ARHGAP6: variants seen among roughly 807,000 people sequenced by gnomAD.
The protein encoded by ARHGAP6 is rho GTPase-activating protein 6.
ARHGAP6 carries 16 observed loss-of-function variants against 55.7 expected under a neutral mutation model. The ratio of observed to expected loss-of-function variants is 0.29; its 90% CI spans 0.19 to 0.44. The LOEUF (loss-of-function observed/expected upper bound fraction) is 0.44. Ranked by LOEUF, ARHGAP6 falls within the 20% of genes least tolerant of loss-of-function variation. The probability of loss-of-function intolerance (pLI) is 1.00; values close to 1 mark genes in which losing one functional copy is unlikely to be tolerated. For synonymous variants in ARHGAP6, 382 were observed against 360.9 expected, an observed-to-expected ratio of 1.06 and a Z score of -0.66; for missense variants, 698 against 808.9, an observed-to-expected ratio of 0.86 and a Z score of 1.66.
intron 1 of ARHGAP6, among the ~76,000 whole-genome samples, chrX:11,480,379 G>A (rs59988764): frequency 0.086 from 9,522 of 111,063 alleles, 442 homozygotes; most frequent in Admixed American, 0.18. Flanking sequence ...TATGAAATAT[G>A]CAGAATAGGC....
At chrX:11,187,574 T>A (rs920159268) in intron 4 of ARHGAP6, among the ~76,000 whole-genome samples, 2 of 112,347 alleles carry the variant, frequency 1.8e-5, no homozygotes, top group African/African-American at 6.5e-5. Context: ...TTTTTAAACA[T>A]AGTCAATACT....
chrX:11,438,080 A>G (rs2050004237), intron 1 of ARHGAP6, among the ~76,000 whole-genome samples: 1 of 112,475 alleles, frequency 8.9e-6, no homozygotes, highest in African/African-American at 3.2e-5. Context: ...CTCCTTACTG[A>G]TAAATGCTTT....
chrX:11,509,087 T>C (rs748350033), intron 1 of ARHGAP6, among the ~76,000 whole-genome samples: 1 of 111,833 alleles, frequency 8.9e-6, no homozygotes, highest in Non-Finnish European at 1.9e-5. Context: ...TGCAAACAAG[T>C]GATCGATCTA....
chrX:11,436,585 CAT>C (rs2049989045), intron 1 of ARHGAP6, among the ~76,000 whole-genome samples: 1 of 111,875 alleles, frequency 8.9e-6, no homozygotes, highest in Non-Finnish European at 1.9e-5. Flanking sequence ...AACTTGTATA[CAT>C]ATGTTTATGG....
At chrX:11,389,835 G>T (rs903261459) in intron 1 of ARHGAP6, among the ~76,000 whole-genome samples, 7 of 111,527 alleles carry the variant, frequency 6.3e-5, no homozygotes, top group Non-Finnish European at 1.3e-4. Flanking sequence ...TGAGAAAGTC[G>T]GTGTGGTTAG....
intron 1 of ARHGAP6, among the ~76,000 whole-genome samples, chrX:11,537,167 C>T (rs1264421895): frequency 8.9e-6 from 1 of 112,274 alleles, no homozygotes; most frequent in Non-Finnish European, 1.9e-5. Flanking sequence ...TGAATAAATT[C>T]TAAACAATGA....
Position 11,142,216 on chromosome X carries a change from T to G in ARHGAP6, c.2257+17A>C. ...TTTTAAAAGTAAATGCAATAAAGTT[T>G]AAAATTAATACTTCACCTGTCATTC... On this transcript the variant is annotated intron_variant, in intron 12 of 12. Transcript: ENST00000337414. 8.8e-7 allele frequency: 1 copy of G among 1,141,982 alleles called. No individual in the cohort carries two copies. Among genetic ancestry groups the G allele is most frequent in the Non-Finnish European group, 1.2e-6 (1 of 845,023 alleles). 94.1% of individuals were successfully genotyped at this position (1,141,982 alleles called of 1,213,427 possible).
chrX:11,385,595 A>G (rs767752245), intron 1 of ARHGAP6, among the ~76,000 whole-genome samples: 9 of 112,126 alleles, frequency 8.0e-5, no homozygotes, highest in Non-Finnish European at 1.7e-4. Context: ...AATCTGACAT[A>G]TCGAACTTAT....
chrX:11,390,023 T>C (rs938949326), intron 1 of ARHGAP6, among the ~76,000 whole-genome samples: 6 of 111,980 alleles, frequency 5.4e-5, no homozygotes, highest in Non-Finnish European at 1.1e-4. Flanking sequence ...CTGAATGGTA[T>C]TGCCTAGCTT....
At chrX:11,503,186 G>A (rs1027901421) in intron 1 of ARHGAP6, among the ~76,000 whole-genome samples, 2 of 111,437 alleles carry the variant, frequency 1.8e-5, no homozygotes, top group Non-Finnish European at 3.8e-5. Flanking sequence ...GTGAGCCACC[G>A]TGCCCAGCCA....
chrX:11,487,345 C>T (rs951923834), intron 1 of ARHGAP6, among the ~76,000 whole-genome samples: 1 of 111,397 alleles, frequency 9.0e-6, no homozygotes, highest in African/African-American at 3.3e-5. Context: ...GGGGAAGTGG[C>T]TTGAGAGCTG....
intron 1 of ARHGAP6, among the ~76,000 whole-genome samples, chrX:11,561,879 T>C (rs907869325): frequency 3.8e-4 from 42 of 111,993 alleles, no homozygotes; most frequent in Admixed American, 1.3e-3. Flanking sequence ...CATCTGGATG[T>C]CCACACATGG....
intron 7 of ARHGAP6, 99 bp from the exon 8 acceptor site, chrX:11,178,347 T>C: frequency 1.1e-6 from 1 of 928,669 alleles, no homozygotes; most frequent in Non-Finnish European, 1.4e-6. Context: ...AAAGGGATTA[T>C]CAAGGCAATT....
chrX:11,410,252 C>G (rs1164886169), intron 1 of ARHGAP6, among the ~76,000 whole-genome samples: 2 of 112,169 alleles, frequency 1.8e-5, no homozygotes, highest in African/African-American at 6.5e-5. Flanking sequence ...AATGAATAAG[C>G]AAAGTATCAT....
intron 1 of ARHGAP6, among the ~76,000 whole-genome samples, chrX:11,651,854 C>T (rs988840145): frequency 8.9e-6 from 1 of 111,851 alleles, no homozygotes; most frequent in Non-Finnish European, 1.9e-5. Flanking sequence ...GATGGTATCT[C>T]ATTGTGGTTT....
chrX:11,263,592 G>A (rs2047588361), intron 1 of ARHGAP6, among the ~76,000 whole-genome samples: 1 of 111,465 alleles, frequency 9.0e-6, no homozygotes, highest in Non-Finnish European at 1.9e-5. Context: ...TGCTGCATGA[G>A]CTACCAGGAC....
At chrX:11,483,770 G>C (rs1368647632) in intron 1 of ARHGAP6, among the ~76,000 whole-genome samples, 1 of 111,746 alleles carries the variant, frequency 8.9e-6, no homozygotes, top group Non-Finnish European at 1.9e-5. Flanking sequence ...ATTGGATGTT[G>C]TAATAGAAAT....
chrX:11,318,000 T>C (rs2048380019), intron 1 of ARHGAP6, among the ~76,000 whole-genome samples: 1 of 112,158 alleles, frequency 8.9e-6, no homozygotes, highest in South Asian at 3.7e-4. Context: ...ACAAGTCATG[T>C]TACATCTTGT....
In ARHGAP6 at chrX:11,643,777, T is replaced by C. The variant is rs1419800519; in HGVS notation, c.588+20464A>G. ...GTGACAGTGCATAGTTTCTAGCCTA[T>C]GCCTCAAGAGGCTTGGAGCATCTTC... On this transcript the variant is annotated intron_variant, in intron 1 of 12. Transcript: ENST00000337414. Among the ~76,000 whole-genome samples the C allele has an allele frequency of 5.4e-5, 6 of 111,524 alleles. No homozygotes were observed. The South Asian group carries it at 1.9e-3, about 35-fold the overall frequency.
Sources: gnomAD v4.1 joint callset for allele counts (sites outside exome capture counted in the v4.1 genomes callset) on GRCh38, gnomAD v4.1.1 for gene constraint, MANE v1.5 for transcripts, NCBI Gene and HGNC (gene_info 2026-07-23, HGNC 2026-07-21) for gene names.